Variants in PTK2 observed in about 807,000 individuals in gnomAD.
PTK2 encodes protein tyrosine kinase 2.
PTK2 carries 45 observed loss-of-function variants against 150.1 expected under a neutral mutation model. The ratio of observed to expected loss-of-function variants is 0.30; its 90% CI spans 0.24 to 0.38. The LOEUF (loss-of-function observed/expected upper bound fraction) is 0.38. PTK2 is among the 10% of genes least tolerant of loss of function. The pLI, the probability that PTK2 is intolerant of heterozygous loss-of-function variation, is 1.00. For synonymous variants in PTK2, 432 were observed against 449.2 expected, an observed-to-expected ratio of 0.96 and a Z score of 0.48; for missense variants, 919 against 1,307.3, an observed-to-expected ratio of 0.70 and a Z score of 4.58.
chr8:140,867,911 C>T (rs912366663), intron 4 of PTK2, among the ~76,000 whole-genome samples: 4 of 152,166 alleles, frequency 2.6e-5, no homozygotes, highest in Non-Finnish European at 4.4e-5. Context: ...ACACGAAACT[C>T]GTCAGTTTCT....
intron 26 of PTK2, among the ~76,000 whole-genome samples, chr8:140,690,173 C>T (rs1442925173): frequency 6.6e-6 from 1 of 151,814 alleles, no homozygotes; most frequent in Non-Finnish European, 1.5e-5. Flanking sequence ...AGGATGGTCT[C>T]GATCACCTGA....
intron 1 of PTK2, among the ~76,000 whole-genome samples, chr8:140,934,964 A>C (rs1009931020): frequency 6.6e-6 from 1 of 152,158 alleles, no homozygotes; most frequent in Non-Finnish European, 1.5e-5. Flanking sequence ...GACATAAAAA[A>C]CTCCATTTTG....
At chr8:140,902,940 T>TTG (rs1375902748) in intron 2 of PTK2, among the ~76,000 whole-genome samples, 2,898 of 136,572 alleles carry the variant, frequency 0.021, 61 homozygotes, top group Non-Finnish European at 0.035. Flanking sequence ...TTTTTTTTTT[T>TTG]TTTTTTTTTT....
intron 7 of PTK2, among the ~76,000 whole-genome samples, chr8:140,845,197 T>C (rs2100124638): frequency 6.6e-6 from 1 of 152,144 alleles, no homozygotes; most frequent in African/African-American, 2.4e-5. Flanking sequence ...ATTGCGAATC[T>C]CATCATATAA....
intron 1 of PTK2, among the ~76,000 whole-genome samples, chr8:140,959,382 A>G (rs2100182299): frequency 6.6e-6 from 1 of 151,562 alleles, no homozygotes; most frequent in Non-Finnish European, 1.5e-5. Context: ...TACAAAAAAA[A>G]AAAAAAATTA....
chr8:140,724,953 G>A (rs2100044908), intron 22 of PTK2, among the ~76,000 whole-genome samples: 1 of 152,184 alleles, frequency 6.6e-6, no homozygotes, highest in Non-Finnish European at 1.5e-5. Flanking sequence ...CAGTGATGCT[G>A]GAGATTATGG....
chr8:140,884,277 G>A (rs372021999), intron 3 of PTK2, among the ~76,000 whole-genome samples: 4 of 151,922 alleles, frequency 2.6e-5, no homozygotes, highest in East Asian at 3.9e-4. Context: ...TTTCTTCCTC[G>A]TGCTCTGTTA....
chr8:140,921,726 A>G (rs1379129636), intron 2 of PTK2, among the ~76,000 whole-genome samples: 3 of 152,220 alleles, frequency 2.0e-5, no homozygotes, highest in African/African-American at 4.8e-5. Context: ...TCCAAGAGGC[A>G]TGATTTCCTT....
intron 1 of PTK2, among the ~76,000 whole-genome samples, chr8:140,954,349 C>T (rs1341455847): frequency 6.6e-6 from 1 of 152,160 alleles, no homozygotes; most frequent in Non-Finnish European, 1.5e-5. Context: ...GGATTACAAG[C>T]ATGAGCCACT....
intron 14 of PTK2, among the ~76,000 whole-genome samples, chr8:140,780,924 A>G (rs2100081317): frequency 6.6e-6 from 1 of 152,182 alleles, no homozygotes; most frequent in Non-Finnish European, 1.5e-5. Flanking sequence ...TCATGATACA[A>G]TTCTATTCTC....
At chr8:140,946,050 T>A (rs1192158311) in intron 1 of PTK2, among the ~76,000 whole-genome samples, 1 of 152,036 alleles carries the variant, frequency 6.6e-6, no homozygotes, top group African/African-American at 2.4e-5. Flanking sequence ...GAGAGCAACC[T>A]CTCTAGACTG....
chr8:140,830,110 CAAT>C (rs900776929), intron 8 of PTK2, among the ~76,000 whole-genome samples: 49 of 145,340 alleles, frequency 3.4e-4, no homozygotes, highest in African/African-American at 1.2e-3. Flanking sequence ...CACACACACA[CAAT>C]ATTAATGATT....
chr8:140,892,872 A>C (rs1378864458), intron 2 of PTK2, among the ~76,000 whole-genome samples: 1 of 152,184 alleles, frequency 6.6e-6, no homozygotes, highest in Non-Finnish European at 1.5e-5. Context: ...GATGTGAAGA[A>C]ACTGAAACCT....
chr8:140,739,261 G>C (rs1049529601), intron 20 of PTK2, among the ~76,000 whole-genome samples, 154 bp from the exon 24 acceptor site: 1 of 152,086 alleles, frequency 6.6e-6, no homozygotes, highest in East Asian at 1.9e-4. Context: ...TCATTTCCTT[G>C]GTGTTTCGAG....
chr8:140,944,571 T>C (rs901265932), intron 1 of PTK2, among the ~76,000 whole-genome samples: 3 of 152,198 alleles, frequency 2.0e-5, no homozygotes, highest in African/African-American at 7.2e-5. Flanking sequence ...AGAATTAAGA[T>C]TTGAATTAAC....
intron 21 of PTK2, among the ~76,000 whole-genome samples, chr8:140,737,184 C>A (rs1348988785): frequency 6.6e-6 from 1 of 152,208 alleles, no homozygotes; most frequent in Non-Finnish European, 1.5e-5. Flanking sequence ...CTCATTGCAG[C>A]CTCCACTACC....
At chr8:140,718,199 A>C (rs2100040848) in intron 22 of PTK2, 2 of 156,848 alleles carry the variant, frequency 1.3e-5, no homozygotes, top group Admixed American at 6.1e-5. Context: ...GTTCAGCTTA[A>C]CCAGTGCTTT....
intron 14 of PTK2, among the ~76,000 whole-genome samples, chr8:140,787,101 A>T (rs535769230): frequency 6.6e-6 from 1 of 152,310 alleles, no homozygotes; most frequent in African/African-American, 2.4e-5. Context: ...CTGACCAGAG[A>T]ACTGCCTATT....
chr8:140,800,656 A>T (rs774122169), intron 11 of PTK2, 80 bp from the exon 12 acceptor site: 2 of 1,031,620 alleles, frequency 1.9e-6, no homozygotes, highest in Non-Finnish European at 3.0e-6. Flanking sequence ...GACATCAGAC[A>T]TCTCTATACA....
Sources: gnomAD v4.1 joint callset for allele counts (sites outside exome capture counted in the v4.1 genomes callset) on GRCh38, gnomAD v4.1.1 for gene constraint, MANE v1.5 for transcripts, NCBI Gene and HGNC (gene_info 2026-07-23, HGNC 2026-07-21) for gene names.